TRPC4: variants seen among roughly 807,000 people sequenced by gnomAD.
The protein encoded by TRPC4 is transient receptor potential cation channel subfamily C member 4, also known as short transient receptor potential channel 4.
TRPC4 carries 49 observed loss-of-function variants against 99.4 expected under a neutral mutation model. That is an observed-to-expected ratio of 0.49 (90% confidence interval 0.39 to 0.63). TRPC4 has a LOEUF of 0.63. TRPC4 is among the 20% of genes least tolerant of loss of function. The pLI is 0.00. For missense variants in TRPC4, 898 were observed against 1,152.9 expected, an observed-to-expected ratio of 0.78 and a Z score of 3.20; for synonymous variants, 454 against 425.9, an observed-to-expected ratio of 1.07 and a Z score of -0.81.
At chr13:37,662,192 C>T (rs1359048192) in intron 6 of TRPC4, among the ~76,000 whole-genome samples, 3 of 151,780 alleles carry the variant, frequency 2.0e-5, no homozygotes, top group South Asian at 4.2e-4. Context: ...TGCCTGTAGC[C>T]CCAGCTACTC....
chr13:37,681,737 G>A (rs1340382041), intron 4 of TRPC4, among the ~76,000 whole-genome samples: 1 of 152,130 alleles, frequency 6.6e-6, no homozygotes, highest in East Asian at 1.9e-4. Context: ...GTCACAAAAT[G>A]TTTATCCTGT....
At chr13:37,834,748 A>G (rs1032139638) in intron 1 of TRPC4, among the ~76,000 whole-genome samples, 1 of 152,008 alleles carries the variant, frequency 6.6e-6, no homozygotes, top group East Asian at 1.9e-4. Flanking sequence ...TTTTTTTGAG[A>G]CAGAGTCTCG....
intron 1 of TRPC4, among the ~76,000 whole-genome samples, chr13:37,815,041 G>A (rs1401430926): frequency 6.6e-6 from 1 of 151,660 alleles, no homozygotes; most frequent in Non-Finnish European, 1.5e-5. Context: ...ATGATCAGTT[G>A]ATTTTTTTTA....
chr13:37,831,197 C>T (rs953464624), intron 1 of TRPC4, among the ~76,000 whole-genome samples: 3 of 151,882 alleles, frequency 2.0e-5, no homozygotes, highest in Non-Finnish European at 4.4e-5. Context: ...AATAGGAAAA[C>T]AAACAACCCT....
chr13:37,805,497 C>A (rs1957508500), intron 1 of TRPC4, among the ~76,000 whole-genome samples: 1 of 151,912 alleles, frequency 6.6e-6, no homozygotes, highest in South Asian at 2.1e-4. Flanking sequence ...TTCTTTTCCA[C>A]TTACAGTAAG....
rs1041461873 is a variant in TRPC4 at position 37,745,963 on chromosome 13, A to G, written c.871T>C (p.Leu291=). The G allele has an allele frequency of 1.2e-6, 2 of 1,613,248 alleles. No homozygotes were observed. Among genetic ancestry groups the G allele is most frequent in the Non-Finnish European group, 1.7e-6 (2 of 1,179,540 alleles). The change falls in exon 3 of 11, where the codon TTG becomes CTG. Residue 291 remains leucine, a synonymous_variant. Coordinates refer to ENST00000379705, the MANE Select transcript of TRPC4 (RefSeq NM_016179.4). The part of the protein sequence containing the change: ...QSGNDLARLK[L]AIKYRQKEFV... ...TCTTTTTGACGGTACTTAATGGCCAATTTTAGTCTTGCAAGATCATTTCCA... is the reference window on the plus strand; with the variant it reads ...TCTTTTTGACGGTACTTAATGGCCAGTTTTAGTCTTGCAAGATCATTTCCA...
chr13:37,645,454 A>C (rs1951839397), intron 8 of TRPC4, among the ~76,000 whole-genome samples: 1 of 152,158 alleles, frequency 6.6e-6, no homozygotes, highest in Non-Finnish European at 1.5e-5. Context: ...TCATGTAGCT[A>C]GTCCCTGCTG....
chr13:37,663,272 C>T, intron 6 of TRPC4, 144 bp downstream of exon 6: 3 of 630,828 alleles, frequency 4.8e-6, no homozygotes, highest in Non-Finnish European at 5.0e-6. Flanking sequence ...TATTCAAAGC[C>T]ATGTTAATTC....
At position 37,632,775 on chromosome 13, in the gene TRPC4, GA is replaced by G. The variant is rs1951423113; in HGVS notation, c.*4127del. 1.3e-5 allele frequency among the ~76,000 whole-genome samples: 2 copies of G among 152,108 alleles called. No homozygotes were observed. The highest frequency in any genetic ancestry group is 1.3e-4 in the Admixed American group (2 of 15,266). On this transcript the variant is annotated 3_prime_UTR_variant, in exon 11 of 11. Coordinates refer to ENST00000379705, the MANE Select transcript of TRPC4 (RefSeq NM_016179.4). ...AGTGAAAATGAACAGTGTATTTTCT[GA>G]AAACAGTAAGAAACCAGCTTTTTAA...
intron 5 of TRPC4, among the ~76,000 whole-genome samples, chr13:37,666,577 C>T (rs1315258333): frequency 1.3e-5 from 2 of 152,108 alleles, no homozygotes; most frequent in Non-Finnish European, 2.9e-5. Flanking sequence ...TTTATAATTA[C>T]AAATTGTAAT....
chr13:37,665,886 T>C (rs1175440053), intron 5 of TRPC4, among the ~76,000 whole-genome samples: 1 of 151,466 alleles, frequency 6.6e-6, no homozygotes, highest in South Asian at 2.1e-4. Context: ...AGGTTTTCCA[T>C]TTTTACAGAT....
intron 8 of TRPC4, among the ~76,000 whole-genome samples, chr13:37,645,858 A>T (rs1362302285): frequency 6.6e-6 from 1 of 152,248 alleles, no homozygotes; most frequent in Non-Finnish European, 1.5e-5. Context: ...AATACCAAGA[A>T]TATCAAGCAA....
intron 2 of TRPC4, among the ~76,000 whole-genome samples, chr13:37,762,169 C>G (rs1051683615): frequency 6.6e-6 from 1 of 151,710 alleles, no homozygotes; most frequent in African/African-American, 2.4e-5. Context: ...TTTTTCAAAA[C>G]TATATAATAC....
chr13:37,771,701 C>A (rs2139293842), intron 2 of TRPC4, among the ~76,000 whole-genome samples: 1 of 151,470 alleles, frequency 6.6e-6, no homozygotes, highest in East Asian at 2.0e-4. Flanking sequence ...TTTGTGGAGT[C>A]TCGAGTCCTT....
At chr13:37,824,161 G>T (rs1305340337) in intron 1 of TRPC4, among the ~76,000 whole-genome samples, 1 of 150,746 alleles carries the variant, frequency 6.6e-6, no homozygotes, top group Non-Finnish European at 1.5e-5. Context: ...ATCAGCTTAA[G>T]GAGATTTTGG....
rs572875617 is a variant in TRPC4 at position 37,633,782 on chromosome 13, C to A, written c.*3121G>T. Among the ~76,000 whole-genome samples the A allele has an allele frequency of 1.3e-5, 2 of 151,954 alleles. No homozygotes were observed. Among genetic ancestry groups the A allele is most frequent in the African/African-American group, 4.8e-5 (2 of 41,406 alleles). On this transcript the variant is annotated 3_prime_UTR_variant, in exon 11 of 11. Coordinates refer to ENST00000379705, the MANE Select transcript of TRPC4 (RefSeq NM_016179.4). Reference sequence around the variant, plus strand: ...AAATATTCAATTCATGAAACAGATACATTTTGAGGATGTTTAGCACTTTGA... The same window carrying A: ...AAATATTCAATTCATGAAACAGATAAATTTTGAGGATGTTTAGCACTTTGA...
intron 1 of TRPC4, among the ~76,000 whole-genome samples, chr13:37,787,561 T>C (rs1279107366): frequency 1.3e-5 from 2 of 152,070 alleles, no homozygotes; most frequent in Admixed American, 1.3e-4. Flanking sequence ...TACGTTTCAG[T>C]AGCTGCAAGT....
intron 1 of TRPC4, among the ~76,000 whole-genome samples, chr13:37,810,226 T>C (rs1400660432): frequency 6.6e-6 from 1 of 152,056 alleles, no homozygotes; most frequent in African/African-American, 2.4e-5. Flanking sequence ...ACCAAATGCT[T>C]TAAAAACATT....
At chr13:37,748,659 C>G (rs975933840) in intron 2 of TRPC4, among the ~76,000 whole-genome samples, 6 of 143,698 alleles carry the variant, frequency 4.2e-5, no homozygotes, top group African/African-American at 1.6e-4. Context: ...CTTTATGTCT[C>G]CACCCAAATC....
Sources: gnomAD v4.1 joint callset for allele counts (sites outside exome capture counted in the v4.1 genomes callset) on GRCh38, gnomAD v4.1.1 for gene constraint, MANE v1.5 for transcripts, NCBI Gene and HGNC (gene_info 2026-07-23, HGNC 2026-07-21) for gene names.